The following CHODL variants were observed in gnomAD, a reference collection of about 807,000 sequenced individuals.
CHODL encodes the protein transmembrane protein MT75.
CHODL carries 29 observed loss-of-function variants against 34.5 expected under a neutral mutation model. The observed-to-expected ratio is 0.84, with a 90% CI of 0.63 to 1.15. The LOEUF (loss-of-function observed/expected upper bound fraction) is 1.15, where lower values mean the gene tolerates loss of function less well. Among genes scored for constraint, CHODL ranks in the 50% most tolerant of loss-of-function variants. CHODL has a pLI of 0.00. For missense variants in CHODL, 332 were observed against 332.5 expected (o/e 1.00, Z 0.01); for synonymous variants, 125 against 116.1 (o/e 1.08, Z -0.49).
chr21:18,241,386 G>C (rs1199349579), upstream of CHODL, among the ~76,000 whole-genome samples: 1 of 152,118 alleles, frequency 6.6e-6, no homozygotes, highest in Non-Finnish European at 1.5e-5. Flanking sequence ...ACTGTTATTA[G>C]ATAAAGTATA....
At chr21:18,125,826 CAAA>C (rs1568898939) in intron 2 of CHODL, among the ~76,000 whole-genome samples, 1 of 152,058 alleles carries the variant, frequency 6.6e-6, no homozygotes, top group African/African-American at 2.4e-5. Flanking sequence ...AAACAGCTCA[CAAA>C]AATATTGGTG....
chr21:18,106,688 G>A (rs1403402817), intron 2 of CHODL, among the ~76,000 whole-genome samples: 2 of 151,692 alleles, frequency 1.3e-5, no homozygotes, highest in South Asian at 2.1e-4. Context: ...GTAGAGACGC[G>A]GTTTCACCAT....
intron 2 of CHODL, among the ~76,000 whole-genome samples, chr21:18,139,045 T>C (rs1314503199): frequency 1.3e-5 from 2 of 152,060 alleles, no homozygotes; most frequent in African/African-American, 4.8e-5. Flanking sequence ...AATGCTGCAA[T>C]CAGGTTGGTG....
intron 2 of CHODL, among the ~76,000 whole-genome samples, chr21:18,151,054 G>C (rs1008454920): frequency 1.4e-5 from 2 of 138,948 alleles, no homozygotes; most frequent in African/African-American, 5.6e-5. Context: ...CTGCACTCCA[G>C]ACTGGGCGAC....
intron 2 of CHODL, among the ~76,000 whole-genome samples, chr21:18,235,394 C>G (rs539097398): frequency 6.2e-4 from 94 of 151,954 alleles, no homozygotes; most frequent in Non-Finnish European, 1.1e-3. Flanking sequence ...AATTAAAATA[C>G]TGAATATATG....
chr21:17,952,140 C>T (rs1452348382), intron 1 of CHODL, among the ~76,000 whole-genome samples: 1 of 132,774 alleles, frequency 7.5e-6, no homozygotes, highest in Admixed American at 9.2e-5. Flanking sequence ...ATCATTTGCA[C>T]CTGGGAGGTC....
Position 18,265,977 on chromosome 21 carries a change from CA to C in CHODL, c.764del (p.Asn255ThrfsTer58). ...AGTAAAGGAAGAACAAAAACTAGTC[CA>C]AACCAGTCTACACTGTGGATTTCAA... ...HKSKGRTKTS[P>X]NQSTLWISKS... On this transcript the variant is annotated frameshift_variant, in exon 6 of 6. Coordinates refer to ENST00000299295, the MANE Select transcript of CHODL (RefSeq NM_024944.3). LOFTEE classifies it high-confidence loss of function. 6.2e-7 allele frequency: 1 copy of C among 1,612,834 alleles called. No individual in the cohort carries two copies.
At chr21:17,933,225 G>T (rs911994397) in intron 1 of CHODL, among the ~76,000 whole-genome samples, 3 of 152,170 alleles carry the variant, frequency 2.0e-5, no homozygotes, top group Non-Finnish European at 4.4e-5. Flanking sequence ...CTGCAAAGAG[G>T]TGTTCCTTCC....
rs377656304 is a variant in CHODL, at chr21:17,974,897, T to G, written c.-144-52975T>G. On this transcript the variant is annotated intron_variant, in intron 1 of 6. Transcript: ENST00000400127. ...AACAATTTTATAAAAAGACATTAAT[T>G]CTGAGGCAGTCAAAATGTACTTTAT... Among the ~76,000 whole-genome samples the G allele has an allele frequency of 4.0e-5, 6 of 149,050 alleles. 1 individual carries two copies. Among genetic ancestry groups the G allele is most frequent in the Admixed American group, 1.3e-4 (2 of 14,902 alleles).
intron 2 of CHODL, among the ~76,000 whole-genome samples, chr21:18,082,099 A>T (rs2064949541): frequency 6.6e-6 from 1 of 152,090 alleles, no homozygotes; most frequent in South Asian, 2.1e-4. Context: ...CCCTGGTGGG[A>T]GATGATTGAA....
chr21:18,266,148 C>T lies in CHODL; in HGVS notation c.*110C>T. 1 of 1,596,398 alleles carries T rather than the reference C, an allele frequency of 6.3e-7. No individual in the cohort carries two copies. Among genetic ancestry groups the T allele is most frequent in the African/African-American group, 1.3e-5 (1 of 74,604 alleles). ...AATCACAAAGGATCTGCAAGATGAACTGTAAGCTCCCCCTTGAGGCAAATA... is the reference window on the plus strand; with the variant it reads ...AATCACAAAGGATCTGCAAGATGAATTGTAAGCTCCCCCTTGAGGCAAATA... On this transcript the variant is annotated 3_prime_UTR_variant, in exon 6 of 6. Transcript: ENST00000299295.
At chr21:17,944,788 A>T (rs1181617586) in intron 1 of CHODL, among the ~76,000 whole-genome samples, 1 of 152,242 alleles carries the variant, frequency 6.6e-6, no homozygotes, top group Non-Finnish European at 1.5e-5. Context: ...TCACAGCTAG[A>T]CTAAACAGTA....
At position 18,158,819 on chromosome 21, in the gene CHODL, C is replaced by A. The variant is rs1188425086; in HGVS notation, c.-44-97690C>A. ...TGCCATTGTACTCCAGCCTGGGCAA[C>A]GAGAGTGAAACTCCGTCTTAAAAAA... On this transcript the variant is annotated intron_variant, in intron 2 of 6. Coordinates refer to the CHODL transcript ENST00000400127. Among the ~76,000 whole-genome samples, 4 of 117,224 alleles carry A rather than the reference C, an allele frequency of 3.4e-5. No individual in the cohort carries two copies. In the East Asian group the frequency reaches 6.9e-4, roughly 20 times the overall value. The allele number at this position is 117,224 out of a possible 152,430, so 76.9% of individuals were successfully genotyped here. A position where few individuals can be genotyped will look rare whatever the true frequency, so the allele number is the denominator to read the frequency against.
intron 1 of CHODL, among the ~76,000 whole-genome samples, chr21:17,931,362 T>C (rs150377136): frequency 2.6e-5 from 4 of 152,342 alleles, no homozygotes; most frequent in African/African-American, 9.6e-5. Context: ...TAAAGGACGC[T>C]ACTCAACTTA....
intron 2 of CHODL, among the ~76,000 whole-genome samples, chr21:18,190,261 T>G (rs1043536517): frequency 4.6e-5 from 7 of 152,148 alleles, no homozygotes; most frequent in African/African-American, 1.7e-4. Context: ...TAGGAATAAT[T>G]TTGCTGCACC....
chr21:18,263,937 G>A (rs571084393), intron 5 of CHODL, among the ~76,000 whole-genome samples: 1 of 145,646 alleles, frequency 6.9e-6, no homozygotes, highest in East Asian at 2.0e-4. Flanking sequence ...CCACTTTTGT[G>A]CTTTTTATAA....
chr21:18,034,884 C>T (rs907591005), intron 2 of CHODL, among the ~76,000 whole-genome samples: 10 of 152,060 alleles, frequency 6.6e-5, no homozygotes, highest in Middle Eastern at 3.4e-3. Flanking sequence ...GCCTCAGGCT[C>T]GCCACTTGTT....
At chr21:17,927,056 G>A (rs1485392812) in intron 1 of CHODL, among the ~76,000 whole-genome samples, 1 of 149,746 alleles carries the variant, frequency 6.7e-6, no homozygotes, top group African/African-American at 2.5e-5. Flanking sequence ...GCATATATGT[G>A]TATATGTATG....
intron 2 of CHODL, among the ~76,000 whole-genome samples, chr21:18,108,591 G>A (rs1409658538): frequency 6.6e-6 from 1 of 152,124 alleles, no homozygotes; most frequent in African/African-American, 2.4e-5. Context: ...AGTATATGAA[G>A]GGAACACACC....
Sources: allele counts gnomAD v4.1 joint callset (sites outside exome capture counted in the v4.1 genomes callset), GRCh38; gene constraint gnomAD v4.1.1; transcripts MANE v1.5; gene names NCBI Gene and HGNC (gene_info 2026-07-23, HGNC 2026-07-21).